The following OAS1 variants were observed in gnomAD, a reference collection of about 807,000 sequenced individuals.
OAS1 encodes the protein 2'-5'-oligoadenylate synthetase 1.
OAS1 carries 24 observed loss-of-function variants against 38.5 expected under a neutral mutation model. The observed-to-expected ratio is 0.62, with a 90% CI of 0.45 to 0.88. OAS1 has a LOEUF of 0.88. Ranked by LOEUF, OAS1 falls within the 40% of genes least tolerant of loss-of-function variation. The pLI is 0.00. For synonymous variants in OAS1, 169 were observed against 193.9 expected, an observed-to-expected ratio of 0.87 and a Z score of 1.07; for missense variants, 482 against 493.9, an observed-to-expected ratio of 0.98 and a Z score of 0.23.
chr12:112,918,484 C>A (rs936038573), intron 5 of OAS1: 8 of 343,156 alleles, frequency 2.3e-5, no homozygotes, highest in African/African-American at 1.7e-4. Context: ...AGAATGATTT[C>A]TTTACCTTTG....
Position 112,919,821 on chromosome 12 carries a change from C to A in OAS1, c.*268C>A, listed in dbSNP as rs1193275865. On this transcript the variant is annotated 3_prime_UTR_variant, in exon 6 of 6. Transcript: ENST00000202917. ...AGATTTAGATAAGAGAATGAAATTC[C>A]AGCCTTGACTTTCTTCTGTGCACCT... 2.3e-6 allele frequency: 3 copies of A among 1,305,728 alleles called. No individual in the cohort carries two copies. The highest frequency in any genetic ancestry group is 2.0e-6 in the Non-Finnish European group (2 of 978,822). The allele number at this position is 1,305,728 out of a possible 1,614,324, so 80.9% of individuals were successfully genotyped here.
intron 4 of OAS1, among the ~76,000 whole-genome samples, chr12:112,917,180 C>T (rs2043472575): frequency 6.6e-6 from 1 of 152,200 alleles, no homozygotes; most frequent in Non-Finnish European, 1.5e-5. Context: ...CTGAGCATTT[C>T]ATATAACTGG....
intron 5 of OAS1, chr12:112,918,577 C>T (rs895080213): frequency 6.8e-6 from 3 of 443,596 alleles, no homozygotes; most frequent in African/African-American, 6.0e-5. Flanking sequence ...GGCATGTTTT[C>T]TATCATTCCC....
At chr12:112,926,082 A>T (rs1187932458) in intron 6 of OAS1, among the ~76,000 whole-genome samples, 1 of 152,208 alleles carries the variant, frequency 6.6e-6, no homozygotes, top group Non-Finnish European at 1.5e-5. Flanking sequence ...CAATCAATAC[A>T]GTTCTATTTA....
chr12:112,930,430 C>A (rs1808258316), intron 6 of OAS1, among the ~76,000 whole-genome samples: 1 of 152,260 alleles, frequency 6.6e-6, no homozygotes, highest in South Asian at 2.1e-4. Flanking sequence ...TTTGAACCCA[C>A]CTTTGTTAGG....
intron 3 of OAS1, among the ~76,000 whole-genome samples, chr12:112,912,991 G>T (rs2057778): frequency 0.75 from 114,509 of 152,166 alleles, 44,319 homozygotes; most frequent in African/African-American, 0.94. Context: ...TATTCATTCT[G>T]TCTTACACCT....
chr12:112,912,550 A>G lies in OAS1; in HGVS notation c.654+1315A>G, dbSNP rs113408613. On this transcript the variant is annotated intron_variant, in intron 3 of 5. Transcript: ENST00000202917. Reference sequence around the variant, plus strand: ...CAGACTTCTAAGTGTTTGCTGTTCTATGAATTGTAATCATGGAGCCTGAGC... The same window carrying G: ...CAGACTTCTAAGTGTTTGCTGTTCTGTGAATTGTAATCATGGAGCCTGAGC... 6.7e-3 allele frequency among the ~76,000 whole-genome samples: 1,018 copies of G among 152,356 alleles called. 7 individuals carry two copies. Among genetic ancestry groups the G allele is most frequent in the South Asian group, 0.011 (51 of 4,828 alleles).
chr12:112,924,808 C>T (rs1197236679), downstream of OAS1, among the ~76,000 whole-genome samples: 1 of 151,720 alleles, frequency 6.6e-6, no homozygotes, highest in Non-Finnish European at 1.5e-5. Context: ...AAAAAAAAAA[C>T]TTTTGGGAAG....
chr12:112,912,203 G>A (rs1214689446), intron 3 of OAS1, among the ~76,000 whole-genome samples: 1 of 152,138 alleles, frequency 6.6e-6, no homozygotes, highest in Admixed American at 6.5e-5. Context: ...AGCCAGGTGT[G>A]ATGGTGAGCA....
intron 5 of OAS1, 47 bp downstream of exon 5, chr12:112,917,747 A>AT: frequency 1.2e-6 from 2 of 1,614,098 alleles, no homozygotes. Context: ...GCCCCTCTCC[A>AT]TGAAGCTTGA....
chr12:112,930,232 A>G (rs1454803851), intron 6 of OAS1, among the ~76,000 whole-genome samples: 2 of 152,122 alleles, frequency 1.3e-5, no homozygotes, highest in African/African-American at 4.8e-5. Context: ...CCAGAAGCCA[A>G]GCAGACGTCA....
chr12:112,928,437 A>C (rs1310106339), intron 6 of OAS1, among the ~76,000 whole-genome samples: 1 of 152,236 alleles, frequency 6.6e-6, no homozygotes, highest in Non-Finnish European at 1.5e-5. Context: ...AAACTACCCC[A>C]AAACTCTCAG....
intron 6 of OAS1, among the ~76,000 whole-genome samples, chr12:112,930,389 G>GGCA (rs765735896): frequency 3.3e-5 from 5 of 152,234 alleles, no homozygotes; most frequent in Admixed American, 6.5e-5. Flanking sequence ...CCTGCCCAAG[G>GGCA]GCACACCACT....
At chr12:112,929,628 T>C (rs1378777920) in intron 6 of OAS1, among the ~76,000 whole-genome samples, 1 of 152,142 alleles carries the variant, frequency 6.6e-6, no homozygotes, top group African/African-American at 2.4e-5. Context: ...ATAAATCCTA[T>C]GAGGTAGGTG....
In OAS1 at chr12:112,916,564, T is replaced by C. The variant is rs752285681; in HGVS notation, c.710T>C (p.Val237Ala). 9.9e-6 allele frequency: 16 copies of C among 1,614,120 alleles called. No homozygotes were observed. Among genetic ancestry groups the C allele is most frequent in the Middle Eastern group, 1.6e-4 (1 of 6,062 alleles). The part of the protein sequence containing the change: ...PPQYALELLT[V>A]YAWERGSMKT... ...CAGTATGCCCTGGAGCTCCTGACGGTCTATGCTTGGGAGCGAGGGAGCATG... is the reference window on the plus strand; with the variant it reads ...CAGTATGCCCTGGAGCTCCTGACGGCCTATGCTTGGGAGCGAGGGAGCATG... Residue 237 changes from valine (V) to alanine (A), a missense_variant, in exon 4 of 6, where the codon GTC (valine) becomes GCC (alanine). Val to Ala is a moderately conservative substitution (Grantham distance 64). Coordinates refer to ENST00000202917, the MANE Select transcript of OAS1 (RefSeq NM_016816.4).
chr12:112,915,183 A>G (rs955932869), intron 3 of OAS1, among the ~76,000 whole-genome samples: 3 of 152,186 alleles, frequency 2.0e-5, no homozygotes, highest in African/African-American at 7.2e-5. Flanking sequence ...TTGGTCATGA[A>G]GTCTTTGCCT....
chr12:112,918,635 A>G (rs2043496048), intron 5 of OAS1: 3 of 455,786 alleles, frequency 6.6e-6, no homozygotes, highest in Non-Finnish European at 1.3e-5. Context: ...CACTTGCTCA[A>G]GGACATCAGC....
downstream of OAS1, among the ~76,000 whole-genome samples, chr12:112,923,593 C>T (rs2043543027): frequency 6.6e-6 from 1 of 152,118 alleles, no homozygotes; most frequent in Non-Finnish European, 1.5e-5. Context: ...GGTAGGAGTT[C>T]CTTACATATT....
downstream of OAS1, among the ~76,000 whole-genome samples, chr12:112,921,502 A>G (rs898128026): frequency 6.6e-6 from 1 of 152,248 alleles, no homozygotes; most frequent in African/African-American, 2.4e-5. Context: ...AACAGGACCC[A>G]GGAGTATACC....
Sources: allele counts gnomAD v4.1 joint callset (sites outside exome capture counted in the v4.1 genomes callset), GRCh38; gene constraint gnomAD v4.1.1; transcripts MANE v1.5; gene names NCBI Gene and HGNC (gene_info 2026-07-23, HGNC 2026-07-21).